STAG1: variants seen among roughly 807,000 people sequenced by gnomAD.
STAG1 encodes STAG1 cohesin complex component, also known as cohesin subunit SA-1.
Under a neutral mutation model 170.9 loss-of-function variants are expected in STAG1, and 26 were observed. That is an observed-to-expected ratio of 0.15 (90% CI 0.11 to 0.21). The LOEUF is 0.21. Ranked by LOEUF, STAG1 falls within the 10% of genes least tolerant of loss-of-function variation. The pLI is 1.00. For synonymous variants in STAG1, 514 were observed against 497.7 expected (o/e 1.03, Z -0.44); for missense variants, 964 against 1,509.5 (o/e 0.64, Z 5.99).
At chr3:136,619,489 G>A (rs1294063466) in intron 3 of STAG1, among the ~76,000 whole-genome samples, 2 of 151,978 alleles carry the variant, frequency 1.3e-5, no homozygotes, top group African/African-American at 4.8e-5. Context: ...CTGGCGTGGT[G>A]GCTCACGCCT....
chr3:136,575,436 G>A (rs1480902046), intron 4 of STAG1, among the ~76,000 whole-genome samples: 1 of 152,130 alleles, frequency 6.6e-6, no homozygotes, highest in East Asian at 1.9e-4. Context: ...TTTTGCCTAG[G>A]CTGGTCTCGA....
chr3:136,747,244 G>A (rs1934987084), intron 1 of STAG1, among the ~76,000 whole-genome samples: 1 of 149,962 alleles, frequency 6.7e-6, no homozygotes, highest in Admixed American at 6.7e-5. Context: ...CTGCACTCCA[G>A]CCTGGGCGAC....
At position 136,559,807 on chromosome 3, in the gene STAG1, C is replaced by T. The variant is rs932409867; in HGVS notation, c.394+8958G>A. Among the ~76,000 whole-genome samples, 3 of 152,096 alleles carry T rather than the reference C, an allele frequency of 2.0e-5. No individual in the cohort carries two copies. The South Asian group carries it at 6.2e-4, about 32-fold the overall frequency. Reference sequence around the variant, plus strand: ...GTTTCAACAAGGGCTATCAAAAAACCAATATAAAACAGGAAATGAAGATAA... The same window carrying T: ...GTTTCAACAAGGGCTATCAAAAAACTAATATAAAACAGGAAATGAAGATAA... On this transcript the variant is annotated intron_variant, in intron 5 of 33. Transcript: ENST00000383202.
At chr3:136,673,840 C>T (rs1301197524) in intron 1 of STAG1, among the ~76,000 whole-genome samples, 1 of 151,906 alleles carries the variant, frequency 6.6e-6, no homozygotes, top group East Asian at 1.9e-4. Context: ...CAGTAGCTCA[C>T]ACCTGTAATC....
At chr3:136,522,658 G>A (rs1934741387) in intron 6 of STAG1, among the ~76,000 whole-genome samples, 1 of 151,886 alleles carries the variant, frequency 6.6e-6, no homozygotes. Flanking sequence ...TCATGTTGGT[G>A]TGCTGCACCC....
At chr3:136,618,787 A>G (rs1576675120) in intron 3 of STAG1, among the ~76,000 whole-genome samples, 2 of 144,716 alleles carry the variant, frequency 1.4e-5, no homozygotes, top group East Asian at 4.5e-4. Flanking sequence ...TATCAATATT[A>G]TTTTCATATT....
At chr3:136,426,834 C>T (rs1244591166) in intron 16 of STAG1, among the ~76,000 whole-genome samples, 2 of 151,680 alleles carry the variant, frequency 1.3e-5, no homozygotes, top group Non-Finnish European at 2.9e-5. Context: ...TTTGGGAGGC[C>T]GAGGTGGGTG....
At chr3:136,650,776 G>C (rs1941191154) in intron 1 of STAG1, among the ~76,000 whole-genome samples, 1 of 152,124 alleles carries the variant, frequency 6.6e-6, no homozygotes, top group Non-Finnish European at 1.5e-5. Context: ...ACTTAATCAT[G>C]AATCTAGTAG....
intron 1 of STAG1, among the ~76,000 whole-genome samples, chr3:136,646,908 T>A (rs557579769): frequency 2.1e-4 from 32 of 151,952 alleles, no homozygotes; most frequent in African/African-American, 7.5e-4. Flanking sequence ...CGAGACTCCA[T>A]CTGAAAAAAA....
At chr3:136,387,212 A>G (rs868129050) in intron 22 of STAG1, among the ~76,000 whole-genome samples, 1 of 152,228 alleles carries the variant, frequency 6.6e-6, no homozygotes, top group Non-Finnish European at 1.5e-5. Context: ...TCTGGATCCA[A>G]CTACTTAACT....
intron 1 of STAG1, among the ~76,000 whole-genome samples, chr3:136,681,312 T>A (rs1462392874): frequency 3.3e-5 from 5 of 152,194 alleles, no homozygotes; most frequent in African/African-American, 1.2e-4. Context: ...ATGCCCTAAT[T>A]GAAGAATATG....
intron 21 of STAG1, among the ~76,000 whole-genome samples, chr3:136,404,759 T>C (rs1204304550): frequency 6.6e-6 from 1 of 152,190 alleles, no homozygotes; most frequent in Non-Finnish European, 1.5e-5. Context: ...TTCTAATTAA[T>C]GTAAAGCTTC....
intron 1 of STAG1, among the ~76,000 whole-genome samples, chr3:136,747,093 TAAAAAAAAAAA>T (rs71134408): frequency 5.6e-4 from 33 of 59,324 alleles, no homozygotes; most frequent in African/African-American, 7.4e-4. Flanking sequence ...TGAAACTGTC[TAAAAAAAAAAA>T]AAAAAAAAAA....
intron 1 of STAG1, among the ~76,000 whole-genome samples, chr3:136,739,505 AAAAAAAAAAAAAAAG>A (rs1036109966): frequency 2.1e-5 from 3 of 145,648 alleles, no homozygotes; most frequent in Non-Finnish European, 3.0e-5. Context: ...GACTCCGTCA[AAAAAAAAAAAAAAAG>A]AAAAAAAAAA....
intron 7 of STAG1, among the ~76,000 whole-genome samples, chr3:136,503,124 G>A (rs1238350741): frequency 6.6e-6 from 1 of 152,066 alleles, no homozygotes; most frequent in Non-Finnish European, 1.5e-5. Flanking sequence ...CCTCTCTACT[G>A]ATCATCAAAT....
chr3:136,477,431 G>C lies in STAG1; in HGVS notation c.903-19C>G, dbSNP rs200153038. ...AGCATCACTAGAGAGAGAAAAAAAAGACAATCTCAAATTAATATACAAAGC... is the reference window on the plus strand; with the variant it reads ...AGCATCACTAGAGAGAGAAAAAAAACACAATCTCAAATTAATATACAAAGC... On this transcript the variant is annotated intron_variant, in intron 9 of 33. Transcript: ENST00000383202. The C allele has an allele frequency of 1.1e-4, 180 of 1,582,992 alleles. No homozygotes were observed. The highest frequency in any genetic ancestry group is 1.3e-4 in the Non-Finnish European group (153 of 1,168,672).
At chr3:136,603,317 G>GA (rs1256579201) in intron 4 of STAG1, among the ~76,000 whole-genome samples, 11 of 151,834 alleles carry the variant, frequency 7.2e-5, no homozygotes, top group Admixed American at 5.9e-4. Context: ...CACTTCTCGT[G>GA]AAAGGTGAAA....
chr3:136,441,929 G>A (rs2088644321), intron 15 of STAG1, among the ~76,000 whole-genome samples: 1 of 152,186 alleles, frequency 6.6e-6, no homozygotes, highest in African/African-American at 2.4e-5. Flanking sequence ...CAGATGCGGT[G>A]GCTCACGCCT....
At chr3:136,725,886 T>C (rs781448652) in intron 1 of STAG1, among the ~76,000 whole-genome samples, 4 of 152,250 alleles carry the variant, frequency 2.6e-5, no homozygotes, top group Non-Finnish European at 5.9e-5. Flanking sequence ...ACTTTAGGAC[T>C]GTATCACAAA....
Sources: gnomAD v4.1 joint callset for allele counts (sites outside exome capture counted in the v4.1 genomes callset) on GRCh38, gnomAD v4.1.1 for gene constraint, MANE v1.5 for transcripts, NCBI Gene and HGNC (gene_info 2026-07-23, HGNC 2026-07-21) for gene names.